Variants in MS4A5 observed in about 807,000 individuals in gnomAD.
The protein encoded by MS4A5 is membrane spanning 4-domains A5.
A neutral mutation model predicts 18.2 loss-of-function variants in MS4A5; 15 were observed. The observed-to-expected ratio is 0.83, with a 90% CI of 0.55 to 1.27. MS4A5 has a LOEUF of 1.27. Among genes scored for constraint, MS4A5 ranks in the 50% most tolerant of loss-of-function variants. The pLI is 0.00. For missense variants in MS4A5, 232 were observed against 225.7 expected (o/e 1.03, Z -0.18); for synonymous variants, 89 against 78.7 (o/e 1.13, Z -0.69).
chr11:60,431,953 C>A (rs553324814), intron 2 of MS4A5, among the ~76,000 whole-genome samples: 3 of 143,008 alleles, frequency 2.1e-5, no homozygotes, highest in South Asian at 2.3e-4. Context: ...CACGTGTGAC[C>A]CACTTCCAAG....
intron 4 of MS4A5, among the ~76,000 whole-genome samples, chr11:60,444,708 A>G (rs1273549934): frequency 6.6e-6 from 1 of 152,182 alleles, no homozygotes; most frequent in Non-Finnish European, 1.5e-5. Context: ...AAATCACAAT[A>G]AGACACTACT....
intron 4 of MS4A5, among the ~76,000 whole-genome samples, chr11:60,434,392 T>G (rs943896629): frequency 3.9e-5 from 6 of 152,072 alleles, no homozygotes; most frequent in African/African-American, 9.7e-5. Context: ...TTGATCCACA[T>G]GGAGAGAAAA....
chr11:60,430,273 C>G (rs2086041237), intron 1 of MS4A5, among the ~76,000 whole-genome samples: 1 of 144,486 alleles, frequency 6.9e-6, no homozygotes, highest in South Asian at 2.2e-4. Context: ...AAAAAAAAAA[C>G]CCGAAGAGAT....
chr11:60,441,687 A>T (rs2086113575), intron 4 of MS4A5, among the ~76,000 whole-genome samples: 1 of 151,558 alleles, frequency 6.6e-6, no homozygotes, highest in Non-Finnish European at 1.5e-5. Flanking sequence ...AATAAAAGAA[A>T]GTGAACTAGA....
intron 4 of MS4A5, among the ~76,000 whole-genome samples, chr11:60,436,045 G>C (rs933265428): frequency 3.9e-5 from 6 of 152,182 alleles, no homozygotes; most frequent in African/African-American, 1.4e-4. Flanking sequence ...TGACAGCTTT[G>C]AAGAGAGCAG....
chr11:60,429,709 T>C lies in MS4A5; in HGVS notation c.35T>C (p.Leu12Pro), dbSNP rs35836784. 2.7e-3 allele frequency: 4,319 copies of C among 1,613,866 alleles called. 62 individuals are homozygous for C. Among genetic ancestry groups the C allele is most frequent in the African/African-American group, 0.024 (1,806 of 75,018 alleles). Reference protein sequence around the residue: ...DSSTAHSPVFLVFPPEITASE... With the variant: ...DSSTAHSPVFPVFPPEITASE... ...AGCACCGCACACAGTCCGGTGTTTC[T>C]GGTATTTCCTCCAGAAATCACTGCT... The change falls in exon 1 of 5, where the codon CTG becomes CCG. Residue 12 changes from leucine to proline, a missense_variant. Coordinates refer to ENST00000300190, the MANE Select transcript of MS4A5 (RefSeq NM_023945.3).
At chr11:60,433,054 G>C (rs1219714249) in intron 3 of MS4A5, among the ~76,000 whole-genome samples, 1 of 152,124 alleles carries the variant, frequency 6.6e-6, no homozygotes, top group African/African-American at 2.4e-5. Context: ...TCGTTAAATA[G>C]CTTGTCCAAA....
chr11:60,431,642 A>G (rs1457058745), intron 2 of MS4A5, among the ~76,000 whole-genome samples: 1 of 152,184 alleles, frequency 6.6e-6, no homozygotes, highest in Non-Finnish European at 1.5e-5. Flanking sequence ...GCCCAGAGAC[A>G]TTTCCAGCTT....
chr11:60,438,675 A>G (rs201226479), intron 4 of MS4A5, among the ~76,000 whole-genome samples: 8,068 of 152,176 alleles, frequency 0.053, 275 homozygotes, highest in South Asian at 0.16. Flanking sequence ...AAAATCTAGA[A>G]GAAATGGATA....
intron 2 of MS4A5, 94 bp from the exon 3 acceptor site, chr11:60,432,317 C>T (rs994815158): frequency 1.6e-4 from 109 of 702,536 alleles, no homozygotes; most frequent in African/African-American, 1.2e-3. Context: ...ACTTAGAAGG[C>T]GGGCCTGTAA....
intron 4 of MS4A5, among the ~76,000 whole-genome samples, chr11:60,440,410 GAC>G (rs1459388079): frequency 8.8e-4 from 112 of 127,308 alleles, no homozygotes; most frequent in African/African-American, 3.0e-3. Context: ...GGCAACAAAA[GAC>G]AAAATTGACA....
At chr11:60,431,745 C>T (rs1441749062) in intron 2 of MS4A5, among the ~76,000 whole-genome samples, 1 of 152,144 alleles carries the variant, frequency 6.6e-6, no homozygotes, top group Non-Finnish European at 1.5e-5. Context: ...TTAGGGATGT[C>T]TTGTTGCATG....
chr11:60,432,588 C>G, intron 3 of MS4A5, 121 bp downstream of exon 3: 2 of 498,866 alleles, frequency 4.0e-6, no homozygotes, highest in Non-Finnish European at 7.1e-6. Context: ...GAGTTCAAGA[C>G]CAGCCTGGCC....
intron 4 of MS4A5, 27 bp from the exon 5 acceptor site, chr11:60,447,622 T>A (rs1200121513): frequency 3.9e-6 from 5 of 1,271,406 alleles, no homozygotes; most frequent in Admixed American, 2.3e-5. Context: ...TGACTCTTCA[T>A]TTTTTTTTCT....
chr11:60,446,272 C>A (rs2086137768), intron 4 of MS4A5, among the ~76,000 whole-genome samples: 1 of 152,118 alleles, frequency 6.6e-6, no homozygotes, highest in South Asian at 2.1e-4. Context: ...GGATGTTAAC[C>A]ATATTAACCT....
Position 60,433,848 on chromosome 11 carries a change from A to G in MS4A5, c.423A>G (p.Leu141=). ...GIILLTFGFI[L]DQNYICGYSH... is the part of the protein sequence containing the mutation. ...TTCTCCTCACATTTGGTTTCATCCT[A>G]GATCAAAACTACATTTGTGGTTATT... Residue 141 remains leucine, a synonymous_variant, in exon 4 of 5, where the codon CTA becomes CTG. Transcript: ENST00000300190. 6.2e-7 allele frequency: 1 copy of G among 1,614,016 alleles called. No individual in the cohort carries two copies. Among genetic ancestry groups the G allele is most frequent in the Non-Finnish European group, 8.5e-7 (1 of 1,179,860 alleles).
In MS4A5 at chr11:60,433,879, C is replaced by G. The variant is rs1305908477; in HGVS notation, c.454C>G (p.Gln152Glu). 6.2e-7 allele frequency: 1 copy of G among 1,613,920 alleles called. No homozygotes were observed. Among genetic ancestry groups the G allele is most frequent in the South Asian group, 1.1e-5 (1 of 91,064 alleles). ...AAACTACATTTGTGGTTATTCTCACCAAAATAGTCAGTGTAAGGCTGTTAC... is the reference window on the plus strand; with the variant it reads ...AAACTACATTTGTGGTTATTCTCACGAAAATAGTCAGTGTAAGGCTGTTAC... The part of the protein sequence containing the change: ...DQNYICGYSH[Q>E]NSQCKAVTVL... Residue 152 changes from glutamine to glutamate, a missense_variant, in exon 4 of 5, where the codon CAA becomes GAA. Gln to Glu is a conservative substitution (Grantham distance 29). Transcript: ENST00000300190.
At chr11:60,441,753 A>T (rs2086113929) in intron 4 of MS4A5, among the ~76,000 whole-genome samples, 2 of 152,018 alleles carry the variant, frequency 1.3e-5, no homozygotes. Context: ...TAAAAAATTT[A>T]AAATTTTAAA....
intron 4 of MS4A5, among the ~76,000 whole-genome samples, chr11:60,437,638 A>G (rs28848265): frequency 0.25 from 36,648 of 145,874 alleles, 5,019 homozygotes; most frequent in Admixed American, 0.36. Context: ...CTCTGATAAA[A>G]CAGACTTTAA....
Sources: gnomAD v4.1 joint callset for allele counts (sites outside exome capture counted in the v4.1 genomes callset) on GRCh38, gnomAD v4.1.1 for gene constraint, MANE v1.5 for transcripts, NCBI Gene and HGNC (gene_info 2026-07-23, HGNC 2026-07-21) for gene names.